PKNOX1: variants seen among roughly 807,000 people sequenced by gnomAD.
PKNOX1 encodes PBX/knotted 1 homeobox 1, also known as homeobox protein PKNOX1.
In PKNOX1, 15 loss-of-function variants were observed where a neutral mutation model predicts 51.9. The observed-to-expected ratio is 0.29, with a 90% CI of 0.19 to 0.45. The LOEUF is 0.45. Among genes scored for constraint, PKNOX1 ranks in the 20% least tolerant of loss-of-function variants. PKNOX1 has a pLI of 1.00. For missense variants in PKNOX1, 462 were observed against 547.5 expected (o/e 0.84, Z 1.56); for synonymous variants, 219 against 211.1 (o/e 1.04, Z -0.32).
intron 7 of PKNOX1, among the ~76,000 whole-genome samples, chr21:43,019,565 C>T (rs892951388): frequency 2.6e-5 from 4 of 151,912 alleles, no homozygotes; most frequent in African/African-American, 2.4e-5. Context: ...TTTTCTGAGA[C>T]GAAGTCTCAC....
chr21:42,990,904 C>T (rs529146357), intron 1 of PKNOX1, among the ~76,000 whole-genome samples: 4 of 152,236 alleles, frequency 2.6e-5, no homozygotes, highest in East Asian at 1.9e-4. Context: ...TTCCTCCCCC[C>T]GTAGATACGG....
At chr21:43,012,298 G>A (rs528248147) in intron 4 of PKNOX1, among the ~76,000 whole-genome samples, 4 of 152,278 alleles carry the variant, frequency 2.6e-5, no homozygotes, top group South Asian at 4.1e-4. Flanking sequence ...GGTGGCTCAC[G>A]CCTGTAATCC....
At chr21:43,009,612 A>G (rs1219100948) in intron 3 of PKNOX1, among the ~76,000 whole-genome samples, 2 of 148,362 alleles carry the variant, frequency 1.3e-5, no homozygotes, top group African/African-American at 4.9e-5. Flanking sequence ...CTCCATCTCA[A>G]AAAAAAAAAA....
chr21:43,030,156 C>A lies in PKNOX1; in HGVS notation c.*55C>A. 1 of 1,295,460 alleles carries A rather than the reference C, an allele frequency of 7.7e-7. No homozygotes were observed. The highest frequency in any genetic ancestry group is 1.1e-6 in the Non-Finnish European group (1 of 932,610). The allele number at this position is 1,295,460 out of a possible 1,614,324, so 80.2% of individuals were successfully genotyped here. ...GAGTTTGCACAGCAAACATTTTACACAGTTTTATTTCTAATATGTTTTATA... is the reference window on the plus strand; with the variant it reads ...GAGTTTGCACAGCAAACATTTTACAAAGTTTTATTTCTAATATGTTTTATA... On this transcript the variant is annotated 3_prime_UTR_variant, in exon 11 of 11. Coordinates refer to ENST00000291547, the MANE Select transcript of PKNOX1 (RefSeq NM_004571.5).
At chr21:43,019,139 TC>T (rs1272504915) in intron 7 of PKNOX1, among the ~76,000 whole-genome samples, 1 of 148,622 alleles carries the variant, frequency 6.7e-6, no homozygotes, top group Non-Finnish European at 1.5e-5. Context: ...ACACCTGTGA[TC>T]CCAGCACTTT....
At chr21:43,019,925 AT>A (rs60174298) in intron 7 of PKNOX1, among the ~76,000 whole-genome samples, 8,414 of 85,636 alleles carry the variant, frequency 0.098, 364 homozygotes, top group African/African-American at 0.12. Context: ...AGGTGCTCTG[AT>A]TTTTTTTTTT....
At chr21:43,004,866 G>T (rs544345255) in intron 2 of PKNOX1, among the ~76,000 whole-genome samples, 15 of 152,306 alleles carry the variant, frequency 9.8e-5, no homozygotes, top group Middle Eastern at 3.4e-3. Flanking sequence ...TAATGAATTT[G>T]CAGGGGCCCC....
intron 1 of PKNOX1, among the ~76,000 whole-genome samples, chr21:42,980,964 T>C (rs1173255569): frequency 3.9e-5 from 6 of 152,242 alleles, no homozygotes; most frequent in African/African-American, 1.2e-4. Context: ...GTCCTTTCTT[T>C]ACTTCCTCAA....
At chr21:43,023,596 C>T (rs1248623496) in intron 8 of PKNOX1, among the ~76,000 whole-genome samples, 1 of 151,592 alleles carries the variant, frequency 6.6e-6, no homozygotes, top group East Asian at 1.9e-4. Flanking sequence ...TCGGTTGGTA[C>T]TTCTGTGAGT....
At chr21:43,013,886 CTGA>C (rs1368459470) in intron 5 of PKNOX1, among the ~76,000 whole-genome samples, 2 of 152,038 alleles carry the variant, frequency 1.3e-5, no homozygotes. Flanking sequence ...TTTAGCCATT[CTGA>C]TGATATGTAG....
intron 1 of PKNOX1, among the ~76,000 whole-genome samples, chr21:42,989,117 C>G (rs1335348977): frequency 2.0e-5 from 3 of 151,934 alleles, no homozygotes; most frequent in East Asian, 1.9e-4. Flanking sequence ...CTCATTTCTT[C>G]TGTAAAATAA....
intron 1 of PKNOX1, among the ~76,000 whole-genome samples, chr21:42,983,614 C>T (rs750824266): frequency 3.5e-4 from 53 of 151,530 alleles, no homozygotes; most frequent in South Asian, 1.2e-3. Context: ...AATACTTCTC[C>T]GAGATCCTAC....
chr21:43,008,416 C>T (rs974356336), intron 3 of PKNOX1, among the ~76,000 whole-genome samples: 2 of 152,134 alleles, frequency 1.3e-5, no homozygotes, highest in Admixed American at 6.5e-5. Flanking sequence ...TCAATTCTAG[C>T]AATATGTAAA....
At chr21:43,009,700 G>A (rs1979162478) in intron 3 of PKNOX1, among the ~76,000 whole-genome samples, 1 of 151,008 alleles carries the variant, frequency 6.6e-6, no homozygotes, top group African/African-American at 2.4e-5. Flanking sequence ...AAACAAGCCA[G>A]ACACCACGGT....
At chr21:43,008,211 A>G (rs749087241) in intron 3 of PKNOX1, among the ~76,000 whole-genome samples, 1 of 152,198 alleles carries the variant, frequency 6.6e-6, no homozygotes, top group Non-Finnish European at 1.5e-5. Flanking sequence ...ATTCTACCCA[A>G]CATATAAAGA....
At chr21:43,028,479 G>A in intron 9 of PKNOX1, 1 of 553,962 alleles carries the variant, frequency 1.8e-6, no homozygotes, top group Non-Finnish European at 3.2e-6. Context: ...ACGAGTTGGT[G>A]CTTATTTGCA....
chr21:43,009,409 C>T (rs1979141932), intron 3 of PKNOX1, among the ~76,000 whole-genome samples: 1 of 151,992 alleles, frequency 6.6e-6, no homozygotes, highest in Non-Finnish European at 1.5e-5. Context: ...CACGCCATTG[C>T]ACTCCAGCCT....
At chr21:42,985,715 C>T (rs1166757476) in intron 1 of PKNOX1, among the ~76,000 whole-genome samples, 1 of 151,650 alleles carries the variant, frequency 6.6e-6, no homozygotes, top group Non-Finnish European at 1.5e-5. Context: ...AAACAAATTG[C>T]AGGCCGGGCG....
At chr21:42,979,959 T>C (rs952555240) in intron 1 of PKNOX1, among the ~76,000 whole-genome samples, 2 of 152,234 alleles carry the variant, frequency 1.3e-5, no homozygotes, top group Non-Finnish European at 2.9e-5. Flanking sequence ...ATTAACCTTC[T>C]GCGCTTATGA....
Sources: allele counts gnomAD v4.1 joint callset (sites outside exome capture counted in the v4.1 genomes callset), GRCh38; gene constraint gnomAD v4.1.1; transcripts MANE v1.5; gene names NCBI Gene and HGNC (gene_info 2026-07-23, HGNC 2026-07-21).